Variants in GPN2 observed in about 807,000 individuals in gnomAD.
GPN2 encodes the protein ATP-binding domain 1 family member B.
GPN2 carries 27 observed loss-of-function variants against 30.1 expected under a neutral mutation model. That is an observed-to-expected ratio of 0.90 (90% CI 0.66 to 1.24). The LOEUF is 1.24. Ranked by LOEUF, GPN2 falls within the 50% of genes most tolerant of loss-of-function variation. GPN2 has a pLI of 0.00. For missense variants in GPN2, 406 were observed against 405.4 expected, an observed-to-expected ratio of 1.00 and a Z score of -0.01; for synonymous variants, 212 against 174.4, an observed-to-expected ratio of 1.22 and a Z score of -1.70.
In GPN2 at chr1:26,883,488, T is replaced by C. The variant is rs181396026; in HGVS notation, c.860+672A>G. Among the ~76,000 whole-genome samples the C allele has an allele frequency of 5.5e-4, 84 of 152,268 alleles. 1 individual carries two copies. The highest frequency in any genetic ancestry group is 5.8e-4 in the East Asian group (3 of 5,184). ...CATCAGGAAGCCCAACTGATCAATA[T>C]GAAATCAGTCATCCACGGCCGGGCG... On this transcript the variant is annotated intron_variant, in intron 4 of 4. Coordinates refer to ENST00000374135, the MANE Select transcript of GPN2 (RefSeq NM_018066.4).
At position 26,877,824 on chromosome 1, in the gene GPN2, A is replaced by AGTAGTT. The variant is rs1256922777; in HGVS notation, c.*1847_*1852dup. ...GCCAAGGCGGGTAAATCATGAGGTCAGTAGTTCAAGACCAGCCTGAACAAC... is the reference window on the plus strand; with the variant it reads ...GCCAAGGCGGGTAAATCATGAGGTCAGTAGTTGTAGTTCAAGACCAGCCTGAACAAC... On this transcript the variant is annotated 3_prime_UTR_variant, in exon 5 of 5. Coordinates refer to ENST00000374135, the MANE Select transcript of GPN2 (RefSeq NM_018066.4). The AGTAGTT allele has an allele frequency of 6.6e-6, 1 of 152,262 alleles. No homozygotes were observed. The highest frequency in any genetic ancestry group is 2.4e-5 in the African/African-American group (1 of 41,446). 9.4% of individuals were successfully genotyped at this position (152,262 alleles called of 1,614,324 possible).
rs184111701 is a variant in GPN2 at position 26,880,535 on chromosome 1, T to A, written c.861-786A>T. 2.0e-4 allele frequency among the ~76,000 whole-genome samples: 30 copies of A among 152,174 alleles called. 2 individuals are homozygous for A. The East Asian group carries it at 5.0e-3, about 25-fold the overall frequency. ...ACCATGTTGACAGAAATGGTCTCGA[T>A]CTCCTGACCTCGTGATCCGCCCGCC... On this transcript the variant is annotated intron_variant, in intron 4 of 4. Coordinates refer to ENST00000374135, the MANE Select transcript of GPN2 (RefSeq NM_018066.4).
chr1:26,880,768 A>G (rs2081860321), intron 4 of GPN2, among the ~76,000 whole-genome samples: 1 of 152,242 alleles, frequency 6.6e-6, no homozygotes, highest in Non-Finnish European at 1.5e-5. Flanking sequence ...CACTTGGCCC[A>G]TGCCATCTTA....
At chr1:26,889,545 G>C in intron 1 of GPN2, 141 bp downstream of exon 1, 1 of 747,752 alleles carries the variant, frequency 1.3e-6, no homozygotes, top group Admixed American at 2.6e-5. Flanking sequence ...GTCAGTAGCA[G>C]AGCCAGATTC....
In GPN2 at chr1:26,879,741, C is replaced by T; in HGVS notation, c.869G>A (p.Gly290Asp). ...GGGTGCCAGGTACTTCTCCTGGATG[C>T]CCAGTGTGCTGAGGAAGGGTGCGTC... ...GADFHFSSTL[G>D]IQEKYLAPSN... Residue 290 changes from glycine to aspartate, a missense_variant, in exon 5 of 5, where the codon GGC becomes GAC. Transcript: ENST00000374135. The T allele has an allele frequency of 6.2e-7, 1 of 1,613,160 alleles. No homozygotes were observed. The highest frequency in any genetic ancestry group is 1.1e-5 in the South Asian group (1 of 90,974).
In GPN2 at chr1:26,889,896, G is replaced by A. The variant is rs778007781; in HGVS notation, c.201C>T (p.Gly67=). Residue 67 remains glycine, a synonymous_variant, in exon 1 of 5, where the codon GGC becomes GGT. Transcript: ENST00000374135. Reference sequence around the variant, plus strand: ...CCAGGCGCAGCGCGTCCATCACGTCGCCCAGCCCCACCAGCTCGCCCACGT... The same window carrying A: ...CCAGGCGCAGCGCGTCCATCACGTCACCCAGCCCCACCAGCTCGCCCACGT... ...AVDVGELVGL[G]DVMDALRLGP... 20 of 1,610,764 alleles carry A rather than the reference G, an allele frequency of 1.2e-5. No individual in the cohort carries two copies. The highest frequency in any genetic ancestry group is 5.5e-5 in the South Asian group (5 of 90,906).
chr1:26,887,694 T>G lies in GPN2; in HGVS notation c.568+1275A>C, dbSNP rs1462623348. Among the ~76,000 whole-genome samples the G allele has an allele frequency of 2.6e-5, 4 of 151,696 alleles. No homozygotes were observed. In the East Asian group the frequency reaches 5.8e-4, roughly 22 times the overall value. ...CTCCTGCCTCAGCCTCCTGAGTAGC[T>G]GGGACTACAGGTGCCCGCCACCATG... On this transcript the variant is annotated intron_variant, in intron 2 of 4. Transcript: ENST00000374135.
chr1:26,883,338 G>A (rs1052098614), intron 4 of GPN2, among the ~76,000 whole-genome samples: 4 of 152,218 alleles, frequency 2.6e-5, no homozygotes, highest in Middle Eastern at 3.4e-3. Context: ...CATCTCTCCC[G>A]AATGACTAAT....
intron 2 of GPN2, among the ~76,000 whole-genome samples, chr1:26,887,558 G>C (rs1041317198): frequency 3.3e-5 from 5 of 151,792 alleles, no homozygotes; most frequent in Non-Finnish European, 7.4e-5. Flanking sequence ...GTTCAGGAGA[G>C]TACTAATTTT....
chr1:26,889,602 C>T, intron 1 of GPN2, 84 bp downstream of exon 1: 4 of 1,339,750 alleles, frequency 3.0e-6, no homozygotes, highest in Non-Finnish European at 4.1e-6. Context: ...CCCTACCTCC[C>T]TGTGTGACAT....
intron 4 of GPN2, among the ~76,000 whole-genome samples, chr1:26,883,761 G>C (rs2081876062): frequency 6.6e-6 from 1 of 151,644 alleles, no homozygotes. Context: ...GATCCAGCCT[G>C]GGCAACAAGA....
At chr1:26,886,491 T>TC (rs1175108264) in intron 2 of GPN2, 1 of 455,430 alleles carries the variant, frequency 2.2e-6, no homozygotes, top group Admixed American at 2.4e-5. Flanking sequence ...GGTCAGGAGT[T>TC]CAAGACCAGC....
intron 4 of GPN2, among the ~76,000 whole-genome samples, chr1:26,883,763 G>A (rs904672266): frequency 1.3e-5 from 2 of 151,198 alleles, no homozygotes; most frequent in African/African-American, 4.9e-5. Context: ...TCCAGCCTGG[G>A]CAACAAGAGC....
chr1:26,890,055 C>A lies in GPN2; in HGVS notation c.42G>T (p.Val14=). The A allele has an allele frequency of 6.3e-7, 1 of 1,577,542 alleles. No individual in the cohort carries two copies. Among genetic ancestry groups the A allele is most frequent in the Admixed American group, 1.7e-5 (1 of 58,138 alleles). The change falls in exon 1 of 5, where the codon GTG becomes GTT. Residue 14 remains valine, a synonymous_variant. Coordinates refer to ENST00000374135, the MANE Select transcript of GPN2 (RefSeq NM_018066.4). The part of the protein sequence containing the change: ...AAPTTAFGQA[V]IGPPGSGKTT... The stretch of plus-strand genomic sequence containing the variant: ...TCTTCCCTGAGCCCGGCGGGCCGAT[C>A]ACCGCCTGCCCGAAGGCCGTGGTCG...
At chr1:26,881,136 T>C (rs1209565344) in intron 4 of GPN2, among the ~76,000 whole-genome samples, 1 of 152,230 alleles carries the variant, frequency 6.6e-6, no homozygotes, top group Non-Finnish European at 1.5e-5. Context: ...ATCCTTTATA[T>C]ATACGAATAC....
At position 26,890,031 on chromosome 1, in the gene GPN2, C is replaced by T. The variant is rs1414609776; in HGVS notation, c.66G>A (p.Lys22=). The change falls in exon 1 of 5, where the codon AAG becomes AAA. Residue 22 remains lysine, a synonymous_variant. Transcript: ENST00000374135. ...QAVIGPPGSG[K]TTYCLGMSEF... is the part of the protein sequence containing the mutation. Reference sequence around the variant, plus strand: ...CACTCATGCCCAGGCAGTACGTGGTCTTCCCTGAGCCCGGCGGGCCGATCA... The same window carrying T: ...CACTCATGCCCAGGCAGTACGTGGTTTTCCCTGAGCCCGGCGGGCCGATCA... 1 of 1,592,662 alleles carries T rather than the reference C, an allele frequency of 6.3e-7. No homozygotes were observed. The highest frequency in any genetic ancestry group is 2.2e-5 in the East Asian group (1 of 44,654).
At chr1:26,879,849 C>A in intron 4 of GPN2, 100 bp from the exon 5 acceptor site, 1 of 765,674 alleles carries the variant, frequency 1.3e-6, no homozygotes, top group Non-Finnish European at 2.3e-6. Flanking sequence ...CAACCATGTC[C>A]ATCCCTCTCT....
chr1:26,882,314 T>A (rs1053073753), intron 4 of GPN2, among the ~76,000 whole-genome samples: 2 of 150,970 alleles, frequency 1.3e-5, no homozygotes, highest in African/African-American at 2.4e-5. Context: ...AACCCTGGAG[T>A]TGGAGATTGC....
Position 26,879,752 on chromosome 1 carries a change from G to A in GPN2, c.861-3C>T, listed in dbSNP as rs777642934. On this transcript the variant is annotated splice_region_variant and splice_polypyrimidine_tract_variant and intron_variant, in intron 4 of 4. Transcript: ENST00000374135. ...ACTTCTCCTGGATGCCCAGTGTGCTGAGGAAGGGTGCGTCAAGGCTGATAG... is the reference window on the plus strand; with the variant it reads ...ACTTCTCCTGGATGCCCAGTGTGCTAAGGAAGGGTGCGTCAAGGCTGATAG... 1.2e-6 allele frequency: 2 copies of A among 1,612,234 alleles called. No homozygotes were observed. Among genetic ancestry groups the A allele is most frequent in the South Asian group, 2.2e-5 (2 of 90,944 alleles).
Sources: allele counts gnomAD v4.1 joint callset (sites outside exome capture counted in the v4.1 genomes callset), GRCh38; gene constraint gnomAD v4.1.1; transcripts MANE v1.5; gene names NCBI Gene and HGNC (gene_info 2026-07-23, HGNC 2026-07-21).